Variants in TPP2 observed in about 807,000 individuals in gnomAD.
TPP2 encodes the protein tripeptidyl-peptidase 2.
A neutral mutation model predicts 155.9 loss-of-function variants in TPP2; 34 were observed. The ratio of observed to expected loss-of-function variants is 0.22; its 90% confidence interval spans 0.17 to 0.29. TPP2 has a LOEUF of 0.29. TPP2 is among the 10% of genes least tolerant of loss of function. TPP2 has a pLI of 1.00. For synonymous variants in TPP2, 510 were observed against 529.4 expected (o/e 0.96, Z 0.50); for missense variants, 1,028 against 1,522.3 (o/e 0.68, Z 5.40).
intron 16 of TPP2, among the ~76,000 whole-genome samples, chr13:102,642,676 G>T (rs1882845834): frequency 6.6e-6 from 1 of 152,136 alleles, no homozygotes; most frequent in Non-Finnish European, 1.5e-5. Flanking sequence ...TGGCATTGCG[G>T]TGATCTTGGC....
At chr13:102,602,058 GA>G (rs1879470496) in intron 1 of TPP2, among the ~76,000 whole-genome samples, 1 of 152,084 alleles carries the variant, frequency 6.6e-6, no homozygotes, top group South Asian at 2.1e-4. Flanking sequence ...TGTTATTCTT[GA>G]TCTCAAGTCA....
chr13:102,633,860 C>G (rs924174700), intron 10 of TPP2, 90 bp from the exon 11 acceptor site: 3 of 1,559,702 alleles, frequency 1.9e-6, no homozygotes, highest in Non-Finnish European at 2.6e-6. Flanking sequence ...TAGTGTTATA[C>G]TATTGGATTT....
At chr13:102,645,321 T>A (rs781749656) in intron 19 of TPP2, among the ~76,000 whole-genome samples, 112 of 152,224 alleles carry the variant, frequency 7.4e-4, no homozygotes, top group Non-Finnish European at 1.2e-3. Flanking sequence ...ATTTTGTGAA[T>A]CCTAATGCAG....
chr13:102,597,408 A>AG (rs1180674579), intron 1 of TPP2, among the ~76,000 whole-genome samples: 2 of 152,112 alleles, frequency 1.3e-5, no homozygotes, highest in Non-Finnish European at 2.9e-5. Context: ...GCACAGTGCC[A>AG]GGGTCGCTGG....
At chr13:102,648,860 G>T in intron 21 of TPP2, 47 bp from the exon 22 acceptor site, 1 of 1,541,696 alleles carries the variant, frequency 6.5e-7, no homozygotes, top group South Asian at 1.3e-5. Context: ...GATTTCCGTT[G>T]ACTTGGTTAA....
rs775381705 is a variant in TPP2 at position 102,678,358 on chromosome 13, T to A, written c.*42T>A. On this transcript the variant is annotated 3_prime_UTR_variant, in exon 30 of 30. Transcript: ENST00000376052. The stretch of plus-strand genomic sequence containing the variant: ...TTAAATTTTAAAAAAGGAAGTTTTA[T>A]AGTGAATGGGTATAAAAACAAATTT... 5.7e-6 allele frequency: 9 copies of A among 1,590,956 alleles called. No homozygotes were observed. Among genetic ancestry groups the A allele is most frequent in the Non-Finnish European group, 7.7e-6 (9 of 1,163,298 alleles).
intron 27 of TPP2, 32 bp from the exon 28 acceptor site, chr13:102,674,251 A>G (rs1007850033): frequency 3.8e-6 from 6 of 1,584,184 alleles, no homozygotes; most frequent in Non-Finnish European, 5.2e-6. Context: ...CATTTTACTG[A>G]TATCTGAAAT....
intron 29 of TPP2, 80 bp downstream of exon 29, chr13:102,676,495 T>G (rs1885287973): frequency 6.6e-7 from 1 of 1,525,226 alleles, no homozygotes; most frequent in Non-Finnish European, 8.9e-7. Context: ...GGATTAGGAC[T>G]GTGATATAGC....
chr13:102,624,760 G>T (rs188623734), intron 6 of TPP2, among the ~76,000 whole-genome samples: 1 of 151,498 alleles, frequency 6.6e-6, no homozygotes, highest in East Asian at 1.9e-4. Context: ...GATTGTTTTG[G>T]TATCTGTCGA....
At chr13:102,650,655 T>C (rs754742639) in intron 23 of TPP2, among the ~76,000 whole-genome samples, 1 of 152,208 alleles carries the variant, frequency 6.6e-6, no homozygotes, top group Non-Finnish European at 1.5e-5. Context: ...AGATGACAGA[T>C]GACACTTTGA....
chr13:102,606,241 G>A (rs1367814812), intron 2 of TPP2, among the ~76,000 whole-genome samples: 8 of 152,184 alleles, frequency 5.3e-5, no homozygotes. Flanking sequence ...TATCTGAATT[G>A]TTCTTAGGTC....
chr13:102,643,390 T>A lies in TPP2; in HGVS notation c.2175+14T>A. On this transcript the variant is annotated intron_variant, in intron 17 of 29. Coordinates refer to ENST00000376052, the MANE Select transcript of TPP2 (RefSeq NM_001330588.2). ...TTTCCTGTCCTAGTAAGTTTAATTA[T>A]AGTTTATAATCCTAACACAATTTAT... 1 of 1,588,728 alleles carries A rather than the reference T, an allele frequency of 6.3e-7. No homozygotes were observed. Among genetic ancestry groups the A allele is most frequent in the Non-Finnish European group, 8.5e-7 (1 of 1,171,246 alleles).
At position 102,643,228 on chromosome 13, in the gene TPP2, C is replaced by T. The variant is rs760347832; in HGVS notation, c.2027C>T (p.Thr676Ile). ...VPEGATWAEV[T>I]VCSCSSEVSA... ...TCTTTCTTTCTTATTTTAGAAGTGA[C>T]AGTGTGTTCGTGTTCTTCTGAGGTG... Residue 676 changes from threonine to isoleucine, a missense_variant, in exon 17 of 30, where the codon ACA becomes ATA. Transcript: ENST00000376052. The T allele has an allele frequency of 5.0e-5, 80 of 1,590,710 alleles. No homozygotes were observed. The Middle Eastern group carries it at 1.0e-3, about 20-fold the overall frequency.
intron 1 of TPP2, among the ~76,000 whole-genome samples, chr13:102,598,370 A>G (rs574583330): frequency 6.6e-6 from 1 of 152,116 alleles, no homozygotes; most frequent in Non-Finnish European, 1.5e-5. Flanking sequence ...TTGAGGTAGC[A>G]TTTTGGAAGT....
intron 28 of TPP2, 62 bp downstream of exon 28, chr13:102,674,552 G>A (rs17691399): frequency 0.019 from 28,797 of 1,526,452 alleles, 595 homozygotes; most frequent in East Asian, 0.11. Flanking sequence ...CCTCTCTTGT[G>A]CCCCATTGCT....
intron 15 of TPP2, 33 bp from the exon 16 acceptor site, chr13:102,640,237 T>C (rs758816089): frequency 6.3e-6 from 9 of 1,429,124 alleles, no homozygotes; most frequent in Non-Finnish European, 8.6e-6. Flanking sequence ...TTATAATAAA[T>C]ATATACATTT....
At chr13:102,613,802 AG>A (rs1880497575) in intron 2 of TPP2, among the ~76,000 whole-genome samples, 1 of 152,226 alleles carries the variant, frequency 6.6e-6, no homozygotes, top group Non-Finnish European at 1.5e-5. Context: ...ATCGTTTAAA[AG>A]ATTATTACAA....
intron 25 of TPP2, among the ~76,000 whole-genome samples, chr13:102,657,492 C>T (rs564585587): frequency 3.6e-4 from 55 of 151,820 alleles, no homozygotes; most frequent in African/African-American, 1.3e-3. Context: ...CACTTTTGCC[C>T]ACAATTCATA....
intron 2 of TPP2, among the ~76,000 whole-genome samples, chr13:102,606,299 C>T (rs955714055): frequency 2.0e-5 from 3 of 152,106 alleles, no homozygotes; most frequent in East Asian, 1.9e-4. Flanking sequence ...CTTTCTGTGC[C>T]GTGTAATAAA....
Sources: gnomAD v4.1 joint callset for allele counts (sites outside exome capture counted in the v4.1 genomes callset) on GRCh38, gnomAD v4.1.1 for gene constraint, MANE v1.5 for transcripts, NCBI Gene and HGNC (gene_info 2026-07-23, HGNC 2026-07-21) for gene names.